The following CDK12 variants were observed in gnomAD, a reference collection of about 807,000 sequenced individuals.
CDK12 encodes the protein cyclin-dependent kinase 12.
A neutral mutation model predicts 133.8 loss-of-function variants in CDK12; 17 were observed. The observed-to-expected ratio is 0.13, with a 90% CI of 0.09 to 0.19. CDK12 has a LOEUF of 0.19. Among genes scored for constraint, CDK12 ranks in the 10% least tolerant of loss-of-function variants. The probability of loss-of-function intolerance (pLI) is 1.00; values close to 1 mark genes in which losing one functional copy is unlikely to be tolerated. For synonymous variants in CDK12, 694 were observed against 683.6 expected, an observed-to-expected ratio of 1.02 and a Z score of -0.24; for missense variants, 1,508 against 1,818.7, an observed-to-expected ratio of 0.83 and a Z score of 3.11.
Position 39,471,325 on chromosome 17 carries a change from A to G in CDK12, c.1493A>G (p.Gln498Arg), listed in dbSNP as rs1323419425. ...EKHLVKDLKAQGTRDSKPIAL... is the reference protein window; with the variant it reads ...EKHLVKDLKARGTRDSKPIAL... Reference sequence around the variant, plus strand: ...CATCTTGTTAAAGATTTGAAAGCACAGGGAACAAGAGACTCTAAACCCATA... The same window carrying G: ...CATCTTGTTAAAGATTTGAAAGCACGGGGAACAAGAGACTCTAAACCCATA... The change falls in exon 2 of 14, where the codon CAG becomes CGG. Residue 498 changes from glutamine to arginine, a missense_variant. Coordinates refer to ENST00000447079, the MANE Select transcript of CDK12 (RefSeq NM_016507.4). 3.1e-6 allele frequency: 5 copies of G among 1,613,596 alleles called. No homozygotes were observed. The highest frequency in any genetic ancestry group is 3.4e-6 in the Non-Finnish European group (4 of 1,179,662).
Position 39,525,976 on chromosome 17 carries a change from C to T in CDK12, c.3420C>T (p.Ile1140=), listed in dbSNP as rs2146714923. Residue 1140 remains isoleucine (I), a synonymous_variant, in exon 13 of 14, where the codon ATC becomes ATT. Coordinates refer to ENST00000447079, the MANE Select transcript of CDK12 (RefSeq NM_016507.4). Reference sequence around the variant, plus strand: ...CTCAAATGGCACAGCTGCTTAACATCCACTCCAACCCAGAGATGCAGCAGC... The same window carrying T: ...CTCAAATGGCACAGCTGCTTAACATTCACTCCAACCCAGAGATGCAGCAGC... ...SIPQMAQLLN[I]HSNPEMQQQL... 12 of 1,614,154 alleles carry T rather than the reference C, an allele frequency of 7.4e-6. No homozygotes were observed. The highest frequency in any genetic ancestry group is 8.5e-6 in the Non-Finnish European group (10 of 1,180,016).
rs577006790 is a variant in CDK12 at position 39,525,881 on chromosome 17, C to G, written c.3325C>G (p.Gln1109Glu). Reference protein sequence around the residue: ...GDAIGLADITQQLNQSELAVL... With the variant: ...GDAIGLADITEQLNQSELAVL... ...TTCAACAGGCCTTGCTGACATCACA[C>G]AACAGCTGAATCAAAGTGAATTGGC... Residue 1109 changes from glutamine (Q) to glutamate (E), a missense_variant, in exon 13 of 14, where the codon CAA becomes GAA. By Grantham distance (29) the Gln-to-Glu change is conservative. Transcript: ENST00000447079. 6.2e-7 allele frequency: 1 copy of G among 1,613,882 alleles called. No homozygotes were observed. Among genetic ancestry groups the G allele is most frequent in the South Asian group, 1.1e-5 (1 of 91,042 alleles).
chr17:39,494,651 T>C lies in CDK12; in HGVS notation c.2376T>C (p.Ile792=). ...GAAGTGTTGTTAACATGAAGGAAAT[T>C]GTCACAGATAAACAAGATGCACTGG... ...IHRSVVNMKE[I]VTDKQDALDF... Residue 792 remains isoleucine (I), a synonymous_variant, in exon 5 of 14, where the codon ATT becomes ATC. Transcript: ENST00000447079. 3 of 1,596,918 alleles carry C rather than the reference T, an allele frequency of 1.9e-6. 1 individual carries two copies. Among genetic ancestry groups the C allele is most frequent in the Non-Finnish European group, 2.6e-6 (3 of 1,171,338 alleles).
At chr17:39,476,536 C>T (rs563441591) in intron 2 of CDK12, among the ~76,000 whole-genome samples, 1 of 151,722 alleles carries the variant, frequency 6.6e-6, no homozygotes, top group Admixed American at 6.6e-5. Flanking sequence ...GCCTCAGCCT[C>T]CCAAGTAGCT....
chr17:39,518,278 C>T (rs1482642699), intron 10 of CDK12, among the ~76,000 whole-genome samples: 1 of 151,954 alleles, frequency 6.6e-6, no homozygotes, highest in East Asian at 1.9e-4. Context: ...AGTCCGGCCC[C>T]ACCTTAGCCT....
At chr17:39,489,245 A>G (rs1244659151) in intron 2 of CDK12, among the ~76,000 whole-genome samples, 2 of 150,764 alleles carry the variant, frequency 1.3e-5, no homozygotes, top group Admixed American at 1.3e-4. Context: ...TAAATTTTGT[A>G]TTTTAATAGA....
At chr17:39,552,421 C>G (rs1325076062) in intron 2 of CDK12, among the ~76,000 whole-genome samples, 2 of 152,122 alleles carry the variant, frequency 1.3e-5, no homozygotes, top group Non-Finnish European at 2.9e-5. Context: ...TAATGTGTGG[C>G]AGGACATTTA....
At chr17:39,530,546 T>C (rs1598190239) in intron 13 of CDK12, 58 bp from the exon 14 acceptor site, 1 of 1,516,342 alleles carries the variant, frequency 6.6e-7, no homozygotes, top group East Asian at 2.3e-5. Context: ...TGTGTGTTTG[T>C]GTTTATAATC....
chr17:39,567,071 C>T (rs1025626923), downstream of CDK12: 1 of 152,292 alleles, frequency 6.6e-6, no homozygotes, highest in African/African-American at 2.4e-5. Flanking sequence ...AGGGAGCTAA[C>T]ATTGCAGAGC....
At chr17:39,502,484 A>G (rs1350796947) in intron 6 of CDK12, among the ~76,000 whole-genome samples, 2 of 152,134 alleles carry the variant, frequency 1.3e-5, no homozygotes, top group African/African-American at 2.4e-5. Context: ...CATTATCTAT[A>G]TAGGAACATG....
chr17:39,550,996 G>C (rs952099975), intron 1 of CDK12: 1 of 148,042 alleles, frequency 6.8e-6, no homozygotes, highest in Non-Finnish European at 1.5e-5. Flanking sequence ...AAAAAAAAAA[G>C]GGAACTTGGA....
Position 39,491,666 on chromosome 17 carries a change from C to A in CDK12, c.2108+933C>A, listed in dbSNP as rs577155592. On this transcript the variant is annotated intron_variant, in intron 3 of 13. Coordinates refer to ENST00000447079, the MANE Select transcript of CDK12 (RefSeq NM_016507.4). ...GTGTATGTCTTCCTAAAGCTGTAGCCCTATGTCTTAGCCACTGTGAGAGAC... is the reference window on the plus strand; with the variant it reads ...GTGTATGTCTTCCTAAAGCTGTAGCACTATGTCTTAGCCACTGTGAGAGAC... Among the ~76,000 whole-genome samples the A allele has an allele frequency of 3.3e-5, 5 of 151,774 alleles. No homozygotes were observed. In the East Asian group the frequency reaches 9.7e-4, roughly 29 times the overall value.
chr17:39,518,965 C>T (rs879899189), intron 10 of CDK12, among the ~76,000 whole-genome samples: 3 of 152,102 alleles, frequency 2.0e-5, no homozygotes, highest in Non-Finnish European at 4.4e-5. Context: ...GCAGTGGCAT[C>T]ATCTCGGCTC....
At chr17:39,464,105 A>C (rs1489957876) in intron 1 of CDK12, among the ~76,000 whole-genome samples, 1 of 152,192 alleles carries the variant, frequency 6.6e-6, no homozygotes, top group Non-Finnish European at 1.5e-5. Flanking sequence ...TGATTAAATT[A>C]GTCAATTTGA....
intron 5 of CDK12, among the ~76,000 whole-genome samples, chr17:39,495,677 C>T (rs2052044536): frequency 6.6e-6 from 1 of 151,262 alleles, no homozygotes; most frequent in Non-Finnish European, 1.5e-5. Context: ...CGCCTGTAGT[C>T]CCAGCTACTC....
intron 2 of CDK12, among the ~76,000 whole-genome samples, chr17:39,482,590 A>C (rs2050797771): frequency 1.2e-5 from 1 of 80,948 alleles, no homozygotes; most frequent in African/African-American, 3.2e-5. Flanking sequence ...AAAGTGAACA[A>C]TCAACTACAT....
chr17:39,529,078 A>C (rs1337847490), intron 13 of CDK12, among the ~76,000 whole-genome samples: 1 of 152,174 alleles, frequency 6.6e-6, no homozygotes, highest in Non-Finnish European at 1.5e-5. Flanking sequence ...CAGTCAACAA[A>C]TAACTTGGGT....
Position 39,462,891 on chromosome 17 carries a change from T to C in CDK12, c.820T>C (p.Ser274Pro). The change falls in exon 1 of 14, where the codon TCG (serine) becomes CCG (proline). Residue 274 changes from serine to proline, a missense_variant. Transcript: ENST00000447079. ...TCCTGGAAGTACCTCGAGAAGGCAG[T>C]CGGTCAGTCCCCCTTACAAGGAGCC... ...KSPGSTSRRQ[S>P]VSPPYKEPSA... 6.2e-7 allele frequency: 1 copy of C among 1,614,176 alleles called. No homozygotes were observed.
chr17:39,520,645 C>T (rs1250159958), intron 11 of CDK12, among the ~76,000 whole-genome samples: 2 of 151,978 alleles, frequency 1.3e-5, no homozygotes, highest in Admixed American at 6.6e-5. Flanking sequence ...CCCTGGCCTC[C>T]GAAAGTGCTG....
Sources: allele counts gnomAD v4.1 joint callset (sites outside exome capture counted in the v4.1 genomes callset), GRCh38; gene constraint gnomAD v4.1.1; transcripts MANE v1.5; gene names NCBI Gene and HGNC (gene_info 2026-07-23, HGNC 2026-07-21).